NTN1: variants seen among roughly 807,000 people sequenced by gnomAD.
NTN1 encodes the protein netrin-1.
A neutral mutation model predicts 54.2 loss-of-function variants in NTN1; 11 were observed. The observed-to-expected ratio is 0.20, with a 90% CI of 0.13 to 0.34. The LOEUF (loss-of-function observed/expected upper bound fraction) is 0.34, where lower values mean the gene tolerates loss of function less well. NTN1 is among the 10% of genes least tolerant of loss of function. NTN1 has a pLI of 1.00. For missense variants in NTN1, 740 were observed against 893.1 expected, an observed-to-expected ratio of 0.83 and a Z score of 2.18; for synonymous variants, 371 against 382.0, an observed-to-expected ratio of 0.97 and a Z score of 0.33.
intron 2 of NTN1, among the ~76,000 whole-genome samples, chr17:9,141,590 C>T (rs529153736): frequency 4.0e-5 from 6 of 151,898 alleles, no homozygotes; most frequent in African/African-American, 1.2e-4. Flanking sequence ...TGGGGAGAGA[C>T]AGTACCTAGG....
Position 9,239,994 on chromosome 17 carries a change from G to A in NTN1, c.*26G>A, listed in dbSNP as rs1230886803. The stretch of plus-strand genomic sequence containing the variant: ...CGCCGAGGCAGCGGGCGGGCGGGCG[G>A]GCGGGCGCCAGGGCGGGGCCGAGCG... On this transcript the variant is annotated 3_prime_UTR_variant, in exon 7 of 7. Coordinates refer to ENST00000173229, the MANE Select transcript of NTN1 (RefSeq NM_004822.3). This position sits in a 1 kb window ranked among gnomAD's most constrained non-coding sequence, Gnocchi z 5.2. 5 of 221,202 alleles carry A rather than the reference G, an allele frequency of 2.3e-5. 1 individual carries two copies. The highest frequency in any genetic ancestry group is 1.0e-4 in the Admixed American group (2 of 20,068). The allele number at this position is 221,202 out of a possible 1,614,324, so 13.7% of individuals were successfully genotyped here.
Position 9,022,569 on chromosome 17 carries a change from G to T in NTN1, c.196G>T (p.Val66Leu). The change falls in exon 2 of 7, where the codon GTG (valine) becomes TTG (leucine). Residue 66 changes from valine (V) to leucine (L), a missense_variant. Physicochemically the swap from Val to Leu is conservative, Grantham distance 32. Coordinates refer to ENST00000173229, the MANE Select transcript of NTN1 (RefSeq NM_004822.3). Reference sequence around the variant, plus strand: ...TGCGGCCTTCGGCAAGGACGTGCGCGTGTCCAGCACCTGCGGCCGGCCCCC... The same window carrying T: ...TGCGGCCTTCGGCAAGGACGTGCGCTTGTCCAGCACCTGCGGCCGGCCCCC... ...VNAAFGKDVRVSSTCGRPPAR... is the reference protein window; with the variant it reads ...VNAAFGKDVRLSSTCGRPPAR... 1 of 1,547,606 alleles carries T rather than the reference G, an allele frequency of 6.5e-7. No individual in the cohort carries two copies.
intron 2 of NTN1, among the ~76,000 whole-genome samples, chr17:9,053,207 A>G (rs903614492): frequency 1.3e-5 from 2 of 152,226 alleles, no homozygotes; most frequent in East Asian, 1.9e-4. Flanking sequence ...AACAGAGACC[A>G]TGTGGCCTGC....
chr17:9,118,734 A>G (rs1364654720), intron 2 of NTN1, among the ~76,000 whole-genome samples: 1 of 152,182 alleles, frequency 6.6e-6, no homozygotes, highest in Non-Finnish European at 1.5e-5. Flanking sequence ...TAGAAATGAA[A>G]TCATATAATA....
At chr17:9,094,759 G>A (rs1249259375) in intron 2 of NTN1, among the ~76,000 whole-genome samples, 4 of 152,076 alleles carry the variant, frequency 2.6e-5, no homozygotes, top group East Asian at 1.9e-4. Context: ...GGAAGGCTGA[G>A]GCAGGCGGAT....
intron 5 of NTN1, among the ~76,000 whole-genome samples, chr17:9,216,901 A>T (rs1905227620): frequency 6.6e-6 from 1 of 152,060 alleles, no homozygotes; most frequent in African/African-American, 2.4e-5. Flanking sequence ...AATTAGGTGG[A>T]CGAGCTGGTG....
intron 2 of NTN1, among the ~76,000 whole-genome samples, chr17:9,066,653 T>C (rs532708157): frequency 1.1e-4 from 17 of 149,628 alleles, no homozygotes; most frequent in Non-Finnish European, 1.9e-4. Flanking sequence ...CAATAGCAGA[T>C]ATACAGAATG....
rs949820584 is a variant in NTN1, at chr17:9,197,353, G to A, written c.1411+14384G>A. On this transcript the variant is annotated intron_variant, in intron 5 of 6. Coordinates refer to ENST00000173229, the MANE Select transcript of NTN1 (RefSeq NM_004822.3). ...CTTAGCAAAGCTTCCTCCTCCTGAA[G>A]AGGGATTAGAAATTCATGACGTGGG... Among the ~76,000 whole-genome samples, 3 of 152,218 alleles carry A rather than the reference G, an allele frequency of 2.0e-5. No individual in the cohort carries two copies. In the East Asian group the frequency reaches 5.8e-4, roughly 30 times the overall value.
At chr17:9,015,542 C>T in the NTN1 span, among the ~76,000 whole-genome samples, 1 of 152,196 alleles carries the variant, frequency 6.6e-6, no homozygotes, top group Non-Finnish European at 1.5e-5. Flanking sequence ...TCCTCACAAA[C>T]ATTAGCCTGT....
chr17:9,221,147 T>TCG lies in NTN1; in HGVS notation c.1412-20_1412-19insGC. ...CAGCCTAATTAGTTTTTGTCTGTGC[T>TCG]CCCCCCCCACCCCCCTGCAGACTGC... On this transcript the variant is annotated intron_variant, in intron 5 of 6. Coordinates refer to ENST00000173229, the MANE Select transcript of NTN1 (RefSeq NM_004822.3). The surrounding 1 kb of genome is among the most constrained non-coding windows in gnomAD (Gnocchi z 4.5). 3.8e-6 allele frequency: 5 copies of TCG among 1,303,806 alleles called. No homozygotes were observed. The highest frequency in any genetic ancestry group is 5.2e-6 in the Non-Finnish European group (5 of 952,878). The allele number at this position is 1,303,806 out of a possible 1,614,324, so 80.8% of individuals were successfully genotyped here. A position where few individuals can be genotyped will look rare whatever the true frequency, so the allele number is the denominator to read the frequency against.
intron 2 of NTN1, among the ~76,000 whole-genome samples, chr17:9,061,445 A>G (rs1398305946): frequency 1.3e-5 from 2 of 152,146 alleles, no homozygotes; most frequent in Admixed American, 1.3e-4. Context: ...GAGACCGGGT[A>G]TGGGCAAGGT....
At chr17:9,070,673 C>G (rs1372991875) in intron 2 of NTN1, among the ~76,000 whole-genome samples, 1 of 152,148 alleles carries the variant, frequency 6.6e-6, no homozygotes, top group Non-Finnish European at 1.5e-5. Context: ...CTCACTGCAA[C>G]CTCCGCCTCC....
At chr17:9,206,771 A>G (rs780797768) in intron 5 of NTN1, among the ~76,000 whole-genome samples, 1 of 152,204 alleles carries the variant, frequency 6.6e-6, no homozygotes, top group South Asian at 2.1e-4. Flanking sequence ...TGGATTTAGG[A>G]TCTGTGTTAT....
At chr17:9,199,708 A>G (rs998138175) in intron 5 of NTN1, among the ~76,000 whole-genome samples, 3 of 152,366 alleles carry the variant, frequency 2.0e-5, no homozygotes, top group South Asian at 2.1e-4. Flanking sequence ...TGACCACCCC[A>G]ACTACAAGGG....
At chr17:9,153,143 C>T (rs1166646294) in intron 2 of NTN1, among the ~76,000 whole-genome samples, 2 of 152,104 alleles carry the variant, frequency 1.3e-5, no homozygotes, top group African/African-American at 4.8e-5. Context: ...GTGGCACGCA[C>T]CTGTAATCCC....
intron 2 of NTN1, among the ~76,000 whole-genome samples, chr17:9,058,903 C>T (rs2091987748): frequency 6.6e-6 from 1 of 152,118 alleles, no homozygotes; most frequent in South Asian, 2.1e-4. Flanking sequence ...TGGAGTTAGA[C>T]TACCTGGGTT....
At position 9,223,477 on chromosome 17, in the gene NTN1, G is replaced by A. The variant is rs185994477; in HGVS notation, c.1486+2235G>A. On this transcript the variant is annotated intron_variant, in intron 6 of 6. Transcript: ENST00000173229. ...TGAGGCAGGAGAATCCCTTGAATCT[G>A]GGAAGCAGAGGTTGCAGTGAGCTGA... Among the ~76,000 whole-genome samples, 387 of 152,238 alleles carry A rather than the reference G, an allele frequency of 2.5e-3. 1 individual carries two copies. The highest frequency in any genetic ancestry group is 8.9e-3 in the African/African-American group (371 of 41,516).
intron 2 of NTN1, among the ~76,000 whole-genome samples, chr17:9,033,697 C>G (rs2091894458): frequency 6.6e-6 from 1 of 152,150 alleles, no homozygotes; most frequent in Non-Finnish European, 1.5e-5. Flanking sequence ...GCAGGCGGAT[C>G]ACCTGAGGTT....
intron 2 of NTN1, among the ~76,000 whole-genome samples, chr17:9,034,806 A>G (rs1392188948): frequency 1.3e-5 from 2 of 152,176 alleles, no homozygotes; most frequent in East Asian, 1.9e-4. Context: ...TGCAAAGACT[A>G]TTCATGATAT....
Sources: allele counts gnomAD v4.1 joint callset (sites outside exome capture counted in the v4.1 genomes callset), GRCh38; gene constraint gnomAD v4.1.1; non-coding constraint Gnocchi (gnomAD v3.1); transcripts MANE v1.5; gene names NCBI Gene and HGNC (gene_info 2026-07-23, HGNC 2026-07-21).